The following GRID2 variants were observed in gnomAD, a reference collection of about 807,000 sequenced individuals.
GRID2 encodes the protein glutamate receptor ionotropic, delta-2.
In GRID2, 33 loss-of-function variants were observed where a neutral mutation model predicts 114.8. The observed-to-expected ratio is 0.29, with a 90% CI of 0.22 to 0.38. The LOEUF (loss-of-function observed/expected upper bound fraction) is 0.38. Ranked by LOEUF, GRID2 falls within the 10% of genes least tolerant of loss-of-function variation. The pLI, the probability that GRID2 is intolerant of heterozygous loss-of-function variation, is 1.00. For missense variants in GRID2, 1,184 were observed against 1,257.7 expected (o/e 0.94, Z 0.89); for synonymous variants, 505 against 449.9 (o/e 1.12, Z -1.55).
At chr4:92,321,286 C>A (rs918625720) in intron 1 of GRID2, among the ~76,000 whole-genome samples, 17 of 152,090 alleles carry the variant, frequency 1.1e-4, no homozygotes, top group African/African-American at 4.1e-4. Context: ...TTGTTAAGGA[C>A]CTGTGTTTTC....
At chr4:93,275,535 A>T (rs1474163728) in intron 8 of GRID2, among the ~76,000 whole-genome samples, 1 of 151,656 alleles carries the variant, frequency 6.6e-6, no homozygotes, top group Non-Finnish European at 1.5e-5. Context: ...AAGTGACCAT[A>T]CTGTTTAGTG....
At chr4:93,468,685 T>C (rs1724520282) in intron 11 of GRID2, among the ~76,000 whole-genome samples, 1 of 152,082 alleles carries the variant, frequency 6.6e-6, no homozygotes, top group East Asian at 1.9e-4. Flanking sequence ...GAGATTGACC[T>C]TTGTAGACTT....
chr4:93,731,571 A>G (rs1217019206), intron 14 of GRID2, among the ~76,000 whole-genome samples: 1 of 152,216 alleles, frequency 6.6e-6, no homozygotes, highest in Non-Finnish European at 1.5e-5. Context: ...ACATTGTTTT[A>G]GAGAAGATGG....
intron 8 of GRID2, among the ~76,000 whole-genome samples, chr4:93,344,932 T>C (rs890233222): frequency 3.4e-4 from 52 of 151,850 alleles, no homozygotes; most frequent in Middle Eastern, 6.8e-3. Context: ...GTTTTATCCA[T>C]GTTATCAAAA....
intron 2 of GRID2, among the ~76,000 whole-genome samples, chr4:92,804,551 A>C (rs555488873): frequency 1.3e-4 from 20 of 152,198 alleles, no homozygotes; most frequent in African/African-American, 4.3e-4. Flanking sequence ...TAACAATAAC[A>C]GCAAAACTTA....
intron 1 of GRID2, among the ~76,000 whole-genome samples, chr4:92,439,410 G>A (rs546935700): frequency 2.6e-5 from 4 of 152,042 alleles, no homozygotes; most frequent in East Asian, 1.9e-4. Context: ...TGACATTCCC[G>A]CCTTCTTATA....
chr4:93,099,635 C>T (rs1163805975), intron 3 of GRID2, among the ~76,000 whole-genome samples: 1 of 151,728 alleles, frequency 6.6e-6, no homozygotes. Context: ...ATGGATGAAT[C>T]AGAGGGTTAT....
intron 1 of GRID2, among the ~76,000 whole-genome samples, chr4:92,546,099 A>T (rs1359698148): frequency 2.0e-5 from 3 of 152,178 alleles, no homozygotes; most frequent in African/African-American, 7.2e-5. Context: ...GGGAAGGGAC[A>T]ATCCTCTTTA....
intron 2 of GRID2, among the ~76,000 whole-genome samples, chr4:92,849,076 T>C (rs1743559758): frequency 6.6e-6 from 1 of 151,998 alleles, no homozygotes; most frequent in Non-Finnish European, 1.5e-5. Flanking sequence ...TTCCAGGGTA[T>C]AGAGGGCTAT....
At chr4:92,976,612 G>A (rs1001994917) in intron 2 of GRID2, among the ~76,000 whole-genome samples, 6 of 151,982 alleles carry the variant, frequency 3.9e-5, no homozygotes, top group Admixed American at 2.0e-4. Flanking sequence ...CCTATTGTCA[G>A]TCAGAGACTA....
intron 1 of GRID2, among the ~76,000 whole-genome samples, chr4:92,589,044 T>C (rs1331160933): frequency 6.6e-6 from 1 of 152,128 alleles, no homozygotes; most frequent in East Asian, 1.9e-4. Context: ...AGGCGGAGGT[T>C]GCAATGAGCT....
intron 14 of GRID2, among the ~76,000 whole-genome samples, chr4:93,741,185 ATATATATATATATATG>A (rs1235438739): frequency 0.069 from 2,457 of 35,672 alleles, 142 homozygotes; most frequent in South Asian, 0.096. Context: ...ATATATATAT[ATATATATATATATATG>A]TATATATATA....
intron 2 of GRID2, among the ~76,000 whole-genome samples, chr4:93,013,073 G>A (rs1361561298): frequency 6.6e-6 from 1 of 151,980 alleles, no homozygotes; most frequent in African/African-American, 2.4e-5. Context: ...CTATTTATGT[G>A]ACAGAAACAT....
intron 1 of GRID2, among the ~76,000 whole-genome samples, chr4:92,333,915 G>T (rs543373430): frequency 6.6e-6 from 1 of 152,114 alleles, no homozygotes; most frequent in Non-Finnish European, 1.5e-5. Context: ...TCATTTTTTA[G>T]AGATGAGGTC....
chr4:93,644,955 A>G (rs930738253), intron 14 of GRID2, among the ~76,000 whole-genome samples: 1 of 152,164 alleles, frequency 6.6e-6, no homozygotes, highest in Non-Finnish European at 1.5e-5. Context: ...CTGTATCTAT[A>G]ATGTCTCCAA....
chr4:92,852,689 A>T (rs556046624), intron 2 of GRID2, among the ~76,000 whole-genome samples: 2 of 151,568 alleles, frequency 1.3e-5, no homozygotes, highest in Non-Finnish European at 2.9e-5. Context: ...GAAAGTCCCC[A>T]TGTCCTGGGT....
chr4:92,338,856 T>C (rs916149896), intron 1 of GRID2, among the ~76,000 whole-genome samples: 9 of 152,272 alleles, frequency 5.9e-5, no homozygotes, highest in South Asian at 4.1e-4. Flanking sequence ...ATTTAGTTAT[T>C]CTCAATTTAA....
Position 93,267,633 on chromosome 4 carries a change from C to T in GRID2, c.1245+29143C>T, listed in dbSNP as rs530799449. 1.6e-4 allele frequency among the ~76,000 whole-genome samples: 25 copies of T among 152,278 alleles called. 1 individual carries two copies. Among genetic ancestry groups the T allele is most frequent in the South Asian group, 1.2e-3 (6 of 4,822 alleles). ...CTGCCCAAGGTCCACATTCGCCACC[C>T]GGGTCAAAACCACACCTCTCAGGCT... is the stretch of plus-strand genomic sequence containing the variant. On this transcript the variant is annotated intron_variant, in intron 8 of 15. Coordinates refer to ENST00000282020, the MANE Select transcript of GRID2 (RefSeq NM_001510.4).
chr4:92,463,076 A>T (rs1015926703), intron 1 of GRID2, among the ~76,000 whole-genome samples: 1 of 152,002 alleles, frequency 6.6e-6, no homozygotes, highest in Non-Finnish European at 1.5e-5. Flanking sequence ...ATCACTGTGA[A>T]ATGCTATCAT....
Sources: allele counts gnomAD v4.1 joint callset (sites outside exome capture counted in the v4.1 genomes callset), GRCh38; gene constraint gnomAD v4.1.1; transcripts MANE v1.5; gene names NCBI Gene and HGNC (gene_info 2026-07-23, HGNC 2026-07-21).